SLC25A30: variants seen among roughly 807,000 people sequenced by gnomAD.
SLC25A30 encodes kidney mitochondrial carrier protein 1.
In SLC25A30, 29 loss-of-function variants were observed where a neutral mutation model predicts 42.7. The ratio of observed to expected loss-of-function variants is 0.68; its 90% CI spans 0.51 to 0.93. SLC25A30 has a LOEUF of 0.93. Ranked by LOEUF, SLC25A30 falls within the 40% of genes least tolerant of loss-of-function variation. The pLI, the probability that SLC25A30 is intolerant of heterozygous loss-of-function variation, is 0.00. For synonymous variants in SLC25A30, 124 were observed against 131.0 expected (o/e 0.95, Z 0.37); for missense variants, 300 against 359.7 (o/e 0.83, Z 1.34).
chr13:45,403,778 A>G (rs2137651013), intron 5 of SLC25A30, among the ~76,000 whole-genome samples: 1 of 152,164 alleles, frequency 6.6e-6, no homozygotes, highest in Admixed American at 6.5e-5. Context: ...TCTACTAAAA[A>G]TACAAAAATT....
At chr13:45,429,170 G>A in the SLC25A30 span, among the ~76,000 whole-genome samples, 3 of 144,246 alleles carry the variant, frequency 2.1e-5, no homozygotes, top group Non-Finnish European at 4.5e-5. Context: ...CTGGGTTCCA[G>A]CGATTCTCAG....
In SLC25A30 at chr13:45,393,709, G is replaced by T; in HGVS notation, c.*2265C>A. 1.0e-6 allele frequency: 1 copy of T among 985,346 alleles called. No individual in the cohort carries two copies. Among genetic ancestry groups the T allele is most frequent in the Non-Finnish European group, 1.2e-6 (1 of 829,914 alleles). 61.0% of individuals were successfully genotyped at this position (985,346 alleles called of 1,614,324 possible). On this transcript the variant is annotated 3_prime_UTR_variant, in exon 10 of 10. Coordinates refer to ENST00000519676, the MANE Select transcript of SLC25A30 (RefSeq NM_001010875.4). ...TTCTTGGTTAGAAGCTTCAACAATTGCATTAACTCTTTCAAAAAAACAGAA... is the reference window on the plus strand; with the variant it reads ...TTCTTGGTTAGAAGCTTCAACAATTTCATTAACTCTTTCAAAAAAACAGAA...
Position 45,396,323 on chromosome 13 carries a change from TGAGAGAGAGAGA to T in SLC25A30, c.835-320_835-309del, listed in dbSNP as rs138488525. ...AAAACTTTCCAGCACTGTAAGCTTT[TGAGAGAGAGAGA>T]GAGAGAGAGAGTTAGCAAGCCCTGG... On this transcript the variant is annotated intron_variant, in intron 9 of 9. Transcript: ENST00000519676. 3,747 of 1,164,016 alleles carry T rather than the reference TGAGAGAGAGAGA, an allele frequency of 3.2e-3. 93 individuals are homozygous for T. The African/African-American group carries it at 0.053, about 16-fold the overall frequency. The allele number at this position is 1,164,016 out of a possible 1,614,324, so 72.1% of individuals were successfully genotyped here.
Position 45,411,452 on chromosome 13 carries a change from T to C in SLC25A30, c.-27A>G. ...CTCACACTGTCTCTTCTTTGATTTA[T>C]AGAAACATTGCCTCCAGTGCTGTTT... On this transcript the variant is annotated 5_prime_UTR_variant, in exon 2 of 10. Coordinates refer to ENST00000519676, the MANE Select transcript of SLC25A30 (RefSeq NM_001010875.4). 8 of 1,613,274 alleles carry C rather than the reference T, an allele frequency of 5.0e-6. No individual in the cohort carries two copies. The highest frequency in any genetic ancestry group is 6.8e-6 in the Non-Finnish European group (8 of 1,179,382).
Position 45,397,555 on chromosome 13 carries a change from G to C in SLC25A30, c.754-217C>G, listed in dbSNP as rs1231744630. Reference sequence around the variant, plus strand: ...AAAATACAAAAAAAAAATTAGCCGGGCATGGTGGCAGGCGCCTGTAGTCCC... The same window carrying C: ...AAAATACAAAAAAAAAATTAGCCGGCCATGGTGGCAGGCGCCTGTAGTCCC... On this transcript the variant is annotated intron_variant, in intron 8 of 9. Transcript: ENST00000519676. 4 of 372,602 alleles carry C rather than the reference G, an allele frequency of 1.1e-5. No individual in the cohort carries two copies. In the Admixed American group the frequency reaches 1.3e-4, roughly 12 times the overall value. 23.1% of individuals were successfully genotyped at this position (372,602 alleles called of 1,614,324 possible). A position where few individuals can be genotyped will look rare whatever the true frequency, so the allele number is the denominator to read the frequency against.
chr13:45,411,101 G>A (rs1882978561), intron 2 of SLC25A30, among the ~76,000 whole-genome samples: 1 of 150,008 alleles, frequency 6.7e-6, no homozygotes, highest in South Asian at 2.1e-4. Flanking sequence ...CACCACACCT[G>A]GCTAATTTTT....
the SLC25A30 span, among the ~76,000 whole-genome samples, chr13:45,433,724 C>T: frequency 8.5e-5 from 13 of 152,168 alleles, no homozygotes; most frequent in Non-Finnish European, 1.3e-4. Context: ...TCTGACGGGG[C>T]CACAGCCATT....
upstream of SLC25A30, among the ~76,000 whole-genome samples, chr13:45,419,130 TAAAA>T (rs374462224): frequency 1.1e-5 from 1 of 90,538 alleles, no homozygotes; most frequent in Non-Finnish European, 2.0e-5. Flanking sequence ...TACTCCCTCT[TAAAA>T]AAAAAAAAAA....
At chr13:45,433,516 C>T in the SLC25A30 span, among the ~76,000 whole-genome samples, 3 of 152,124 alleles carry the variant, frequency 2.0e-5, no homozygotes, top group South Asian at 2.1e-4. Context: ...GTTGTATTAC[C>T]CTGTGAGGGC....
upstream of SLC25A30, among the ~76,000 whole-genome samples, chr13:45,422,719 T>C (rs61675425): frequency 0.33 from 50,524 of 151,992 alleles, 9,358 homozygotes; most frequent in Non-Finnish European, 0.42. Context: ...TTTGTTTTTC[T>C]TGGTTACAGG....
Position 45,404,426 on chromosome 13 carries a change from C to G in SLC25A30, c.308-14G>C. The G allele has an allele frequency of 6.4e-7, 1 of 1,574,574 alleles. No individual in the cohort carries two copies. The highest frequency in any genetic ancestry group is 8.7e-7 in the Non-Finnish European group (1 of 1,144,172). On this transcript the variant is annotated splice_polypyrimidine_tract_variant and intron_variant, in intron 4 of 9. Transcript: ENST00000519676. ...GTAGAGTTTCATCTGTAAACAATGA[C>G]ACATTATTTGACTCTACATATTTAG...
At position 45,395,003 on chromosome 13, in the gene SLC25A30, C is replaced by T. The variant is rs1266003339; in HGVS notation, c.*971G>A. ...TCTTCAACAAGACCTTAACAAAGGG[C>T]TTCATTCACAATTACCATGAGAAGC... is the stretch of plus-strand genomic sequence containing the variant. On this transcript the variant is annotated 3_prime_UTR_variant, in exon 10 of 10. Transcript: ENST00000519676. 3.0e-6 allele frequency: 3 copies of T among 985,316 alleles called. No individual in the cohort carries two copies. Among genetic ancestry groups the T allele is most frequent in the East Asian group, 1.1e-4 (1 of 8,814 alleles). The allele number at this position is 985,316 out of a possible 1,614,324, so 61.0% of individuals were successfully genotyped here. A position where few individuals can be genotyped will look rare whatever the true frequency, so the allele number is the denominator to read the frequency against.
intron 1 of SLC25A30, among the ~76,000 whole-genome samples, chr13:45,414,161 G>C (rs929674148): frequency 6.6e-6 from 1 of 152,118 alleles, no homozygotes; most frequent in Non-Finnish European, 1.5e-5. Context: ...CTAGTCAGGA[G>C]GTAAAAACAA....
chr13:45,423,928 CATATATAA>C, the SLC25A30 span, among the ~76,000 whole-genome samples: 1 of 40,838 alleles, frequency 2.4e-5, no homozygotes, highest in South Asian at 7.0e-4. Flanking sequence ...TATATATAAA[CATATATAA>C]ATATATAAAA....
chr13:45,402,129 G>A, intron 6 of SLC25A30, 146 bp downstream of exon 6: 25 of 459,860 alleles, frequency 5.4e-5, no homozygotes, highest in South Asian at 2.5e-4. Flanking sequence ...GGGAAATAAA[G>A]AAAGATATTT....
the SLC25A30 span, among the ~76,000 whole-genome samples, chr13:45,425,355 T>A: frequency 9.1e-6 from 1 of 109,696 alleles, no homozygotes; most frequent in Non-Finnish European, 1.7e-5. Flanking sequence ...TAACTATATG[T>A]AAGTATATGT....
At chr13:45,422,931 C>G (rs1883924441), upstream of SLC25A30, among the ~76,000 whole-genome samples, 1 of 152,146 alleles carries the variant, frequency 6.6e-6, no homozygotes, top group African/African-American at 2.4e-5. Flanking sequence ...GAAGTCTCTC[C>G]TAATCACTAA....
chr13:45,402,670 A>G, intron 5 of SLC25A30: 1 of 686,302 alleles, frequency 1.5e-6, no homozygotes, highest in Non-Finnish European at 1.8e-6. Flanking sequence ...TTTCTAGGAT[A>G]GAAAACAGCA....
the SLC25A30 span, among the ~76,000 whole-genome samples, chr13:45,433,397 C>T: frequency 6.6e-6 from 1 of 152,218 alleles, no homozygotes; most frequent in African/African-American, 2.4e-5. Flanking sequence ...GAGGACAGTG[C>T]CCCAGCCTGT....
Sources: allele counts gnomAD v4.1 joint callset (sites outside exome capture counted in the v4.1 genomes callset), GRCh38; gene constraint gnomAD v4.1.1; transcripts MANE v1.5; gene names NCBI Gene and HGNC (gene_info 2026-07-23, HGNC 2026-07-21).